Variants in SPATC1L observed in about 807,000 individuals in gnomAD.
The protein encoded by SPATC1L is spermatogenesis and centriole associated 1 like.
A neutral mutation model predicts 21.2 loss-of-function variants in SPATC1L; 20 were observed. The ratio of observed to expected loss-of-function variants is 0.94; its 90% CI spans 0.66 to 1.37. SPATC1L has a LOEUF of 1.37. SPATC1L is among the 40% of genes most tolerant of loss of function. The pLI is 0.00. For synonymous variants in SPATC1L, 290 were observed against 234.5 expected (o/e 1.24, Z -2.16); for missense variants, 499 against 478.7 (o/e 1.04, Z -0.40).
At chr21:46,175,692 G>A (rs2079627559) in intron 2 of SPATC1L, among the ~76,000 whole-genome samples, 1 of 152,060 alleles carries the variant, frequency 6.6e-6, no homozygotes, top group Non-Finnish European at 1.5e-5. Flanking sequence ...AAAAAGCCAG[G>A]ACCAGATGGA....
chr21:46,167,257 C>G (rs9981777), intron 3 of SPATC1L, among the ~76,000 whole-genome samples: 16,074 of 152,136 alleles, frequency 0.11, 1,489 homozygotes, highest in African/African-American at 0.25. Flanking sequence ...CCAAAACCTA[C>G]TATGTACTAG....
chr21:46,180,972 A>T (rs952662900), intron 2 of SPATC1L, among the ~76,000 whole-genome samples: 1 of 152,206 alleles, frequency 6.6e-6, no homozygotes, highest in Admixed American at 6.5e-5. Context: ...GCCCCTGACA[A>T]GGGTCCCTCT....
chr21:46,162,093 G>T, intron 3 of SPATC1L, 26 bp from the exon 4 acceptor site: 6 of 1,545,662 alleles, frequency 3.9e-6, no homozygotes, highest in Non-Finnish European at 4.4e-6. Flanking sequence ...CCGGGGACAA[G>T]GTCAGGGGAG....
In SPATC1L at chr21:46,183,113, G is replaced by A; in HGVS notation, c.-297C>T. 1 of 419,766 alleles carries A rather than the reference G, an allele frequency of 2.4e-6. No homozygotes were observed. The highest frequency in any genetic ancestry group is 4.2e-6 in the Non-Finnish European group (1 of 236,062). The allele number at this position is 419,766 out of a possible 1,614,324, so 26.0% of individuals were successfully genotyped here. ...CAAGGACATTAGGCAGCTACGGGATGTAGCGACTGTACTCCAAGAGGGGCG... is the reference window on the plus strand; with the variant it reads ...CAAGGACATTAGGCAGCTACGGGATATAGCGACTGTACTCCAAGAGGGGCG... On this transcript the variant is annotated 5_prime_UTR_variant, in exon 2 of 5. Transcript: ENST00000291672.
rs557581397 is a variant in SPATC1L, at chr21:46,180,441, G to A, written c.193+2183C>T. ...GCTTAAACGTTGCACCCTCCATGGCGTTTATAAGTTTACCATGAGCACGTG... is the reference window on the plus strand; with the variant it reads ...GCTTAAACGTTGCACCCTCCATGGCATTTATAAGTTTACCATGAGCACGTG... On this transcript the variant is annotated intron_variant, in intron 2 of 4. Transcript: ENST00000291672. 2.6e-5 allele frequency among the ~76,000 whole-genome samples: 4 copies of A among 152,328 alleles called. No individual in the cohort carries two copies. In the South Asian group the frequency reaches 6.2e-4, roughly 24 times the overall value.
chr21:46,164,289 A>T (rs2079524452), intron 3 of SPATC1L, among the ~76,000 whole-genome samples: 1 of 152,140 alleles, frequency 6.6e-6, no homozygotes. Flanking sequence ...TTGGGATTAC[A>T]GGTGTGAGCC....
At chr21:46,180,919 G>A (rs1016179774) in intron 2 of SPATC1L, among the ~76,000 whole-genome samples, 1 of 152,234 alleles carries the variant, frequency 6.6e-6, no homozygotes, top group African/African-American at 2.4e-5. Flanking sequence ...TGACCCAAGG[G>A]CAGGGGCAGC....
At chr21:46,175,406 A>G (rs2079625340) in intron 2 of SPATC1L, among the ~76,000 whole-genome samples, 2 of 152,168 alleles carry the variant, frequency 1.3e-5, no homozygotes, top group Middle Eastern at 3.2e-3. Context: ...AAATAGATAT[A>G]CCACTAGCTA....
intron 2 of SPATC1L, among the ~76,000 whole-genome samples, chr21:46,169,632 G>A (rs1361799995): frequency 1.4e-5 from 1 of 70,762 alleles, no homozygotes; most frequent in African/African-American, 7.9e-5. Flanking sequence ...AGGAGCCCCT[G>A]CTCTGTGAGC....
Position 46,184,438 on chromosome 21 carries a change from A to G in SPATC1L, c.-1041T>C, listed in dbSNP as rs1310307843. The G allele has an allele frequency of 1.2e-5, 2 of 163,454 alleles. No individual in the cohort carries two copies. Among genetic ancestry groups the G allele is most frequent in the Non-Finnish European group, 2.7e-5 (2 of 74,088 alleles). The allele number at this position is 163,454 out of a possible 1,614,324, so 10.1% of individuals were successfully genotyped here. ...GATGGGTCATCTCATCCTCATGGGA[A>G]GGGACGTACGGCAGAAAGCACAACC... On this transcript the variant is annotated 5_prime_UTR_variant, in exon 1 of 5. Coordinates refer to ENST00000291672, the MANE Select transcript of SPATC1L (RefSeq NM_001142854.2).
At chr21:46,182,524 C>A in intron 2 of SPATC1L, 100 bp downstream of exon 2, 1 of 1,156,894 alleles carries the variant, frequency 8.6e-7, no homozygotes, top group Non-Finnish European at 1.2e-6. Context: ...TGCCCGTGAC[C>A]TCCCGCATCA....
Position 46,161,669 on chromosome 21 carries a change from T to C in SPATC1L, c.733A>G (p.Arg245Gly). The C allele has an allele frequency of 6.2e-7, 1 of 1,607,024 alleles. No individual in the cohort carries two copies. The highest frequency in any genetic ancestry group is 1.1e-5 in the South Asian group (1 of 90,496). ...CGCTGCGTCAGCTCGCGCAGCTTCC[T>C]CTCGTCCACGGAGCCGTCCAGAGAC... ...TKSLDGSVDE[R>G]KLRELTQRYL... Residue 245 changes from arginine to glycine, a missense_variant, in exon 5 of 5, where the codon AGG becomes GGG. By Grantham distance (125) the Arg-to-Gly change is moderately radical. Coordinates refer to ENST00000291672, the MANE Select transcript of SPATC1L (RefSeq NM_001142854.2).
chr21:46,172,184 A>T (rs2079598627), intron 2 of SPATC1L, among the ~76,000 whole-genome samples: 1 of 141,786 alleles, frequency 7.1e-6, no homozygotes, highest in African/African-American at 2.7e-5. Context: ...ACAGAGCGTG[A>T]GGCGGAGGAT....
chr21:46,177,636 C>T lies in SPATC1L; in HGVS notation c.193+4988G>A, dbSNP rs548666052. ...CTGGCAACGTTGCAGAGAAAAAGAA[C>T]GCCTATACACTGTTAGTGGGAGCAT... On this transcript the variant is annotated intron_variant, in intron 2 of 4. Transcript: ENST00000291672. 1.9e-3 allele frequency among the ~76,000 whole-genome samples: 292 copies of T among 152,268 alleles called. 1 individual carries two copies. Among genetic ancestry groups the T allele is most frequent in the Non-Finnish European group, 3.1e-3 (214 of 68,012 alleles).
intron 2 of SPATC1L, among the ~76,000 whole-genome samples, chr21:46,175,373 C>A (rs1034769392): frequency 2.0e-5 from 3 of 152,060 alleles, no homozygotes; most frequent in Admixed American, 6.6e-5. Flanking sequence ...AATCCAGGAG[C>A]TGGTTTTTTG....
intron 2 of SPATC1L, among the ~76,000 whole-genome samples, chr21:46,180,345 G>A (rs2079663170): frequency 6.6e-6 from 1 of 152,234 alleles, no homozygotes; most frequent in Non-Finnish European, 1.5e-5. Flanking sequence ...CTCCACTAAA[G>A]TTCCAGAGAA....
chr21:46,175,894 C>T (rs914690125), intron 2 of SPATC1L, among the ~76,000 whole-genome samples: 3 of 152,066 alleles, frequency 2.0e-5, no homozygotes, highest in Admixed American at 6.6e-5. Flanking sequence ...TGAACATTGA[C>T]GCAAAAATCC....
At chr21:46,174,357 A>C (rs970111675) in intron 2 of SPATC1L, among the ~76,000 whole-genome samples, 1 of 151,316 alleles carries the variant, frequency 6.6e-6, no homozygotes, top group Non-Finnish European at 1.5e-5. Context: ...AAAAAAAAAA[A>C]AAACAGAATG....
rs778535913 is a variant in SPATC1L at position 46,161,344 on chromosome 21, G to A, written c.*35C>T. The A allele has an allele frequency of 2.6e-5, 39 of 1,479,768 alleles. No homozygotes were observed. The highest frequency in any genetic ancestry group is 3.5e-5 in the Non-Finnish European group (39 of 1,120,696). The allele number at this position is 1,479,768 out of a possible 1,614,324, so 91.7% of individuals were successfully genotyped here. On this transcript the variant is annotated 3_prime_UTR_variant, in exon 5 of 5. Transcript: ENST00000291672. The stretch of plus-strand genomic sequence containing the variant: ...CGCGGCCCCGGGTTGGAACAAACGC[G>A]TTTACTGCAGGCAAGGCGGCGGGCG...
Sources: allele counts gnomAD v4.1 joint callset (sites outside exome capture counted in the v4.1 genomes callset), GRCh38; gene constraint gnomAD v4.1.1; transcripts MANE v1.5; gene names NCBI Gene and HGNC (gene_info 2026-07-23, HGNC 2026-07-21).